Variants in TMEM201 observed in about 807,000 individuals in gnomAD.
The protein encoded by TMEM201 is transmembrane protein 201.
Under a neutral mutation model 63.4 loss-of-function variants are expected in TMEM201, and 26 were observed. That is an observed-to-expected ratio of 0.41 (90% confidence interval 0.30 to 0.57). The LOEUF (loss-of-function observed/expected upper bound fraction) is 0.57. Ranked by LOEUF, TMEM201 falls within the 20% of genes least tolerant of loss-of-function variation. The pLI is 0.29. For missense variants in TMEM201, 794 were observed against 917.7 expected (o/e 0.87, Z 1.74); for synonymous variants, 417 against 421.6 (o/e 0.99, Z 0.14).
At chr1:9,592,365 G>C (rs1042272507) in intron 1 of TMEM201, among the ~76,000 whole-genome samples, 1 of 152,230 alleles carries the variant, frequency 6.6e-6, no homozygotes, top group African/African-American at 2.4e-5. Flanking sequence ...CCAGCACACA[G>C]TGTCCCAGGT....
At chr1:9,595,346 C>T (rs752527855) in intron 1 of TMEM201, among the ~76,000 whole-genome samples, 2 of 152,208 alleles carry the variant, frequency 1.3e-5, no homozygotes, top group Non-Finnish European at 2.9e-5. Context: ...CCTCAGCCTC[C>T]TTGGCTCTCA....
At chr1:9,589,135 A>C (rs2100433282) in intron 1 of TMEM201, 92 bp downstream of exon 1, 1 of 544,338 alleles carries the variant, frequency 1.8e-6, no homozygotes, top group Non-Finnish European at 2.3e-6. Flanking sequence ...CTCGGCCGGG[A>C]CCCGGGCTGC....
chr1:9,592,052 G>A (rs961462834), intron 1 of TMEM201, among the ~76,000 whole-genome samples: 2 of 152,252 alleles, frequency 1.3e-5, no homozygotes, highest in Non-Finnish European at 2.9e-5. Context: ...CACCAGGAGC[G>A]ACCCTAGAAT....
At chr1:9,591,437 G>C (rs753323032) in intron 1 of TMEM201, among the ~76,000 whole-genome samples, 10 of 152,252 alleles carry the variant, frequency 6.6e-5, no homozygotes, top group Non-Finnish European at 1.2e-4. Context: ...AAGCCACCAC[G>C]GTCGGCACAG....
intron 4 of TMEM201, among the ~76,000 whole-genome samples, chr1:9,599,362 C>G (rs1644091859): frequency 1.3e-5 from 2 of 151,840 alleles, no homozygotes; most frequent in South Asian, 4.2e-4. Flanking sequence ...ATTTTCCTGC[C>G]TCAGCCTCCT....
chr1:9,590,683 C>T (rs939155245), intron 1 of TMEM201, among the ~76,000 whole-genome samples: 3 of 152,144 alleles, frequency 2.0e-5, no homozygotes, highest in Admixed American at 6.6e-5. Context: ...ACCAGCAGGT[C>T]ACGGTGTGGC....
chr1:9,597,931 A>G (rs185808711), intron 3 of TMEM201, among the ~76,000 whole-genome samples: 114 of 152,334 alleles, frequency 7.5e-4, no homozygotes, highest in African/African-American at 2.5e-3. Flanking sequence ...CTGCACGTCT[A>G]AGGGCTGAGA....
intron 9 of TMEM201, chr1:9,611,032 C>T (rs775437836): frequency 3.9e-6 from 6 of 1,528,748 alleles, no homozygotes; most frequent in Non-Finnish European, 4.4e-6. Context: ...TCAGGGTCCT[C>T]TGTTTCTTGG....
In TMEM201 at chr1:9,604,260, C is replaced by T. The variant is rs1644202826; in HGVS notation, c.1160+1988C>T. On this transcript the variant is annotated intron_variant, in intron 6 of 10. Transcript: ENST00000340381. This position sits in a 1 kb window ranked among gnomAD's most constrained non-coding sequence, Gnocchi z 4.1. ...ATTTAAATTAGATTATTTATAATAA[C>T]CAGAGCCAGCCCTCGCGCTGGCCAG... 1 of 985,284 alleles carries T rather than the reference C, an allele frequency of 1.0e-6. No individual in the cohort carries two copies. The highest frequency in any genetic ancestry group is 1.2e-6 in the Non-Finnish European group (1 of 829,940). 61.0% of individuals were successfully genotyped at this position (985,284 alleles called of 1,614,324 possible).
At chr1:9,609,981 T>C in intron 8 of TMEM201, 70 bp downstream of exon 8, 1 of 1,462,604 alleles carries the variant, frequency 6.8e-7, no homozygotes, top group Non-Finnish European at 9.4e-7. Flanking sequence ...GCATGGTGGT[T>C]TGTGTGAGCT....
rs1324037115 is a variant in TMEM201, at chr1:9,610,208, C to T, written c.1465+297C>T. ...AGGCCTCGGGTGAGCTGGCCTTGTA[C>T]CTCCAGGGTTTGCTGCTATCTGGCC... On this transcript the variant is annotated intron_variant, in intron 8 of 10. Coordinates refer to ENST00000340381, the MANE Select transcript of TMEM201 (RefSeq NM_001130924.3). The surrounding 1 kb of genome is among the most constrained non-coding windows in gnomAD (Gnocchi z 4.9). Among the ~76,000 whole-genome samples, 1 of 152,170 alleles carries T rather than the reference C, an allele frequency of 6.6e-6. No individual in the cohort carries two copies. The highest frequency in any genetic ancestry group is 1.5e-5 in the Non-Finnish European group (1 of 68,004).
rs1216100075 is a variant in TMEM201 at position 9,610,370 on chromosome 1, T to A, written c.1466-136T>A. The A allele has an allele frequency of 3.3e-5, 30 of 917,880 alleles. No individual in the cohort carries two copies. The highest frequency in any genetic ancestry group is 4.5e-5 in the Non-Finnish European group (28 of 628,066). 56.9% of individuals were successfully genotyped at this position (917,880 alleles called of 1,614,324 possible). On this transcript the variant is annotated intron_variant, in intron 8 of 10. Coordinates refer to ENST00000340381, the MANE Select transcript of TMEM201 (RefSeq NM_001130924.3). The surrounding 1 kb of genome is among the most constrained non-coding windows in gnomAD (Gnocchi z 4.9). ...TCCTCCTTCAGCTTTGCAGCAGGAC[T>A]TCCCCCTGTCCCCAGTCTCTGCACC...
At chr1:9,597,085 G>C in intron 3 of TMEM201, 32 bp downstream of exon 3, 1 of 1,580,836 alleles carries the variant, frequency 6.3e-7, no homozygotes, top group Non-Finnish European at 8.6e-7. Context: ...AGGGGTCCTG[G>C]CTGGGGCCAG....
rs1281092126 is a variant in TMEM201 at position 9,589,002 on chromosome 1, G to A, written c.72G>A (p.Ala24=). The A allele has an allele frequency of 1.7e-6, 2 of 1,184,454 alleles. No homozygotes were observed. Among genetic ancestry groups the A allele is most frequent in the South Asian group, 2.2e-5 (1 of 44,688 alleles). The allele number at this position is 1,184,454 out of a possible 1,614,324, so 73.4% of individuals were successfully genotyped here. Residue 24 remains alanine, a synonymous_variant, in exon 1 of 11, where the codon GCG becomes GCA. Transcript: ENST00000340381. ...AGLAGGLGVT[A]CAAAGVLLYR... ...TGGCCGGCGGCCTGGGGGTCACGGC[G>A]TGCGCCGCGGCCGGCGTGTTGCTCT... is the stretch of plus-strand genomic sequence containing the variant.
At chr1:9,589,544 G>A (rs538241325) in intron 1 of TMEM201, among the ~76,000 whole-genome samples, 1 of 152,266 alleles carries the variant, frequency 6.6e-6, no homozygotes, top group African/African-American at 2.4e-5. Context: ...AGGAATCATG[G>A]TTTGAGCCGA....
rs1644254669 is a variant in TMEM201, at chr1:9,607,008, C to G, written c.1161-549C>G. On this transcript the variant is annotated intron_variant, in intron 6 of 10. Transcript: ENST00000340381. This position sits in a 1 kb window ranked among gnomAD's most constrained non-coding sequence, Gnocchi z 5.4. ...AGGAGGCAGCCTTCTAAGGGCAGAG[C>G]TGTGGGAGGACTTCCAGGAATCACA... 6.6e-6 allele frequency among the ~76,000 whole-genome samples: 1 copy of G among 152,168 alleles called. No homozygotes were observed. Among genetic ancestry groups the G allele is most frequent in the Admixed American group, 6.5e-5 (1 of 15,284 alleles).
intron 7 of TMEM201, among the ~76,000 whole-genome samples, chr1:9,609,437 A>G (rs971656725): frequency 1.3e-5 from 2 of 152,202 alleles, no homozygotes; most frequent in African/African-American, 2.4e-5. Context: ...TAGTGGAGAA[A>G]GTGGGACTAG....
chr1:9,612,287 G>T (rs1644334954), intron 10 of TMEM201, among the ~76,000 whole-genome samples: 4 of 152,234 alleles, frequency 2.6e-5, no homozygotes, highest in Admixed American at 2.6e-4. Context: ...AGTGCCCAGA[G>T]AGCCTGGGTG....
chr1:9,589,065 A>ACG (rs1643876399), intron 1 of TMEM201, 22 bp downstream of exon 1: 2 of 995,268 alleles, frequency 2.0e-6, no homozygotes, highest in Admixed American at 1.2e-4. Context: ...GTTCGGCCCC[A>ACG]CGCGGCCCTC....
Sources: gnomAD v4.1 joint callset for allele counts (sites outside exome capture counted in the v4.1 genomes callset) on GRCh38, gnomAD v4.1.1 for gene constraint, Gnocchi (gnomAD v3.1) non-coding constraint, MANE v1.5 for transcripts, NCBI Gene and HGNC (gene_info 2026-07-23, HGNC 2026-07-21) for gene names.